The following CDH13 variants were observed in gnomAD, a reference collection of about 807,000 sequenced individuals.
CDH13 encodes cadherin-13.
CDH13 carries 24 observed loss-of-function variants against 63.8 expected under a neutral mutation model. That is an observed-to-expected ratio of 0.38 (90% confidence interval 0.27 to 0.53). The LOEUF (loss-of-function observed/expected upper bound fraction) is 0.53. CDH13 is among the 20% of genes least tolerant of loss of function. CDH13 has a pLI of 0.85. For synonymous variants in CDH13, 503 were observed against 355.3 expected, an observed-to-expected ratio of 1.42 and a Z score of -4.67; for missense variants, 1,049 against 903.1, an observed-to-expected ratio of 1.16 and a Z score of -2.07.
chr16:82,691,113 C>T (rs760973724), intron 1 of CDH13, among the ~76,000 whole-genome samples: 15 of 152,204 alleles, frequency 9.9e-5, no homozygotes, highest in Non-Finnish European at 5.9e-5. Context: ...AGGCGCTGCA[C>T]TGGACTCAGA....
At chr16:82,967,104 T>C (rs946559432) in intron 2 of CDH13, among the ~76,000 whole-genome samples, 1 of 152,178 alleles carries the variant, frequency 6.6e-6, no homozygotes, top group African/African-American at 2.4e-5. Context: ...TATAGGTTGG[T>C]TAGTTTGTTC....
chr16:83,249,330 T>G (rs189340660), intron 5 of CDH13, among the ~76,000 whole-genome samples: 1 of 152,216 alleles, frequency 6.6e-6, no homozygotes, highest in Non-Finnish European at 1.5e-5. Flanking sequence ...TAGCTTGATA[T>G]CAGCCATGGC....
intron 10 of CDH13, among the ~76,000 whole-genome samples, chr16:83,693,264 A>G (rs8044396): frequency 1 from 151,952 of 152,278 alleles, 75,813 homozygotes; most frequent in Middle Eastern, 1. Flanking sequence ...TAATATCTAG[A>G]TTATGGAGTC....
chr16:83,624,431 G>A (rs11645933), intron 8 of CDH13, among the ~76,000 whole-genome samples: 209 of 152,174 alleles, frequency 1.4e-3, no homozygotes, highest in Non-Finnish European at 2.0e-3. Flanking sequence ...TGGCAGGGGT[G>A]GTGGGGGATG....
intron 10 of CDH13, chr16:83,718,047 C>T (rs1241723851): frequency 1.3e-5 from 2 of 152,388 alleles, no homozygotes; most frequent in Middle Eastern, 3.4e-3. Context: ...TTACTTTGGA[C>T]AGTCTTACTT....
At chr16:83,369,251 G>C (rs1054762958) in intron 6 of CDH13, among the ~76,000 whole-genome samples, 1 of 151,720 alleles carries the variant, frequency 6.6e-6, no homozygotes, top group Non-Finnish European at 1.5e-5. Context: ...TACACTGTTG[G>C]TGGGAAAATT....
chr16:83,602,371 C>T (rs1164653250), intron 7 of CDH13, 83 bp from the exon 8 acceptor site: 3 of 1,394,478 alleles, frequency 2.2e-6, no homozygotes, highest in Non-Finnish European at 2.0e-6. Flanking sequence ...GGAGAGACAG[C>T]TCCAGCAACA....
At chr16:83,367,028 G>A (rs1028000957) in intron 6 of CDH13, among the ~76,000 whole-genome samples, 1 of 151,820 alleles carries the variant, frequency 6.6e-6, no homozygotes, top group South Asian at 2.1e-4. Flanking sequence ...ATGTTTTTTG[G>A]TCTATTTATA....
At chr16:83,674,271 G>A (rs1598453277) in intron 9 of CDH13, among the ~76,000 whole-genome samples, 1 of 152,218 alleles carries the variant, frequency 6.6e-6, no homozygotes. Flanking sequence ...AGAGCCAGCA[G>A]TGGGGTGCCT....
intron 3 of CDH13, among the ~76,000 whole-genome samples, chr16:83,083,359 A>G (rs753010591): frequency 6.6e-6 from 1 of 152,218 alleles, no homozygotes; most frequent in African/African-American, 2.4e-5. Context: ...ATGAAATTTG[A>G]AAGGAAGACA....
intron 4 of CDH13, among the ~76,000 whole-genome samples, chr16:83,204,114 C>T (rs74031468): frequency 6.6e-5 from 10 of 152,298 alleles, no homozygotes; most frequent in South Asian, 6.2e-4. Flanking sequence ...CCATGTCACA[C>T]GGAGTTCCGA....
At chr16:82,989,940 C>T (rs968401234) in intron 2 of CDH13, among the ~76,000 whole-genome samples, 2 of 137,814 alleles carry the variant, frequency 1.5e-5, no homozygotes, top group East Asian at 4.1e-4. Flanking sequence ...TCTCATCAGT[C>T]CCATTTTTTT....
chr16:82,759,165 C>A (rs192441743), intron 1 of CDH13, among the ~76,000 whole-genome samples: 79 of 152,300 alleles, frequency 5.2e-4, no homozygotes, highest in Non-Finnish European at 4.0e-4. Flanking sequence ...AATTGTGAGT[C>A]AGGTTCCACA....
intron 7 of CDH13, among the ~76,000 whole-genome samples, chr16:83,520,601 G>C (rs1253100833): frequency 6.6e-6 from 1 of 152,168 alleles, no homozygotes; most frequent in Non-Finnish European, 1.5e-5. Flanking sequence ...TTAGAGCCAG[G>C]TTCTTGTTTG....
intron 1 of CDH13, among the ~76,000 whole-genome samples, chr16:82,836,144 G>A (rs2038756999): frequency 6.6e-6 from 1 of 152,000 alleles, no homozygotes; most frequent in African/African-American, 2.4e-5. Context: ...TTGTTTTTTT[G>A]AGATGGAGTT....
intron 3 of CDH13, among the ~76,000 whole-genome samples, chr16:83,063,185 C>T (rs896006131): frequency 6.6e-6 from 1 of 152,146 alleles, no homozygotes; most frequent in Non-Finnish European, 1.5e-5. Flanking sequence ...TGGCCTTGAA[C>T]TCTTGAACTC....
At chr16:82,645,198 C>A (rs1323129946) in intron 1 of CDH13, among the ~76,000 whole-genome samples, 1 of 152,130 alleles carries the variant, frequency 6.6e-6, no homozygotes, top group East Asian at 1.9e-4. Flanking sequence ...CCAGGACCAA[C>A]TGGGAGCCTG....
At chr16:83,048,997 A>C (rs2029968977) in intron 3 of CDH13, among the ~76,000 whole-genome samples, 1 of 152,138 alleles carries the variant, frequency 6.6e-6, no homozygotes, top group Non-Finnish European at 1.5e-5. Flanking sequence ...CTCTCTTTTG[A>C]AGGTCGTGGA....
At chr16:82,942,347 T>C (rs1236197595) in intron 2 of CDH13, among the ~76,000 whole-genome samples, 1 of 152,250 alleles carries the variant, frequency 6.6e-6, no homozygotes, top group East Asian at 1.9e-4. Flanking sequence ...CCGCACTGTC[T>C]TTCCCTGGTC....
Sources: allele counts gnomAD v4.1 joint callset (sites outside exome capture counted in the v4.1 genomes callset), GRCh38; gene constraint gnomAD v4.1.1; transcripts MANE v1.5; gene names NCBI Gene and HGNC (gene_info 2026-07-23, HGNC 2026-07-21).